The following PDCD11 variants were observed in gnomAD, a reference collection of about 807,000 sequenced individuals.
PDCD11 encodes the protein protein RRP5 homolog.
In PDCD11, 97 loss-of-function variants were observed where a neutral mutation model predicts 198.9. That is an observed-to-expected ratio of 0.49 (90% CI 0.41 to 0.58). The LOEUF is 0.58. Ranked by LOEUF, PDCD11 falls within the 20% of genes least tolerant of loss-of-function variation. PDCD11 has a pLI of 0.00. For synonymous variants in PDCD11, 893 were observed against 918.0 expected, an observed-to-expected ratio of 0.97 and a Z score of 0.49; for missense variants, 2,102 against 2,312.7, an observed-to-expected ratio of 0.91 and a Z score of 1.87.
chr10:103,435,027 A>T (rs758229994), intron 25 of PDCD11, 52 bp downstream of exon 25: 12 of 1,270,360 alleles, frequency 9.4e-6, no homozygotes, highest in African/African-American at 6.2e-5. Context: ...TGGTATATTT[A>T]AAAAAAAACG....
chr10:103,416,741 A>G lies in PDCD11; in HGVS notation c.1769A>G (p.Gln590Arg), dbSNP rs781069490. The G allele has an allele frequency of 6.2e-7, 1 of 1,613,068 alleles. No homozygotes were observed. Among genetic ancestry groups the G allele is most frequent in the Non-Finnish European group, 8.5e-7 (1 of 1,179,322 alleles). ...PDPERVFYTGQVVKVVVLNCE... is the reference protein window; with the variant it reads ...PDPERVFYTGRVVKVVVLNCE... The stretch of plus-strand genomic sequence containing the variant: ...CCGGAGAGAGTTTTTTACACTGGCC[A>G]GGTAACCCTTCCCCTAGACAGGTCC... The change falls in exon 13 of 36, where the codon CAG becomes CGG. Residue 590 changes from glutamine (Q) to arginine (R), a missense_variant and splice_region_variant. Gln to Arg is a conservative substitution (Grantham distance 43). Transcript: ENST00000369797.
chr10:103,429,138 T>C (rs1203322026), intron 21 of PDCD11, among the ~76,000 whole-genome samples: 1 of 152,212 alleles, frequency 6.6e-6, no homozygotes, highest in East Asian at 1.9e-4. Context: ...CTGTCTGTTC[T>C]AGAGCTGAGT....
intron 17 of PDCD11, among the ~76,000 whole-genome samples, chr10:103,422,322 C>T (rs1224332778): frequency 6.6e-6 from 1 of 151,826 alleles, no homozygotes; most frequent in Non-Finnish European, 1.5e-5. Flanking sequence ...CTCAAGTGAT[C>T]CACCCGCCCT....
intron 25 of PDCD11, among the ~76,000 whole-genome samples, chr10:103,436,744 G>T (rs1365884240): frequency 6.6e-6 from 1 of 152,192 alleles, no homozygotes; most frequent in Non-Finnish European, 1.5e-5. Flanking sequence ...TTGCCTAAAG[G>T]TAGACGGTCC....
chr10:103,403,201 C>T lies in PDCD11; in HGVS notation c.318C>T (p.Leu106=). The T allele has an allele frequency of 6.2e-7, 1 of 1,614,094 alleles. No homozygotes were observed. ...LELVISLPNG[L]QGFVQVTEIC... ...TGGTGATTAGTCTCCCCAATGGCCTCCAGGGCTTTGTGCAAGTCACTGAAA... is the reference window on the plus strand; with the variant it reads ...TGGTGATTAGTCTCCCCAATGGCCTTCAGGGCTTTGTGCAAGTCACTGAAA... Residue 106 remains leucine (L), a synonymous_variant, in exon 4 of 36, where the codon CTC becomes CTT. Coordinates refer to ENST00000369797, the MANE Select transcript of PDCD11 (RefSeq NM_014976.2).
Position 103,437,999 on chromosome 10 carries a change from T to C in PDCD11, c.3846-16T>C, listed in dbSNP as rs1375087723. 1.4e-5 allele frequency: 23 copies of C among 1,610,978 alleles called. No homozygotes were observed. The highest frequency in any genetic ancestry group is 1.9e-5 in the Non-Finnish European group (22 of 1,177,426). On this transcript the variant is annotated splice_polypyrimidine_tract_variant and intron_variant, in intron 25 of 35. Transcript: ENST00000369797. ...GCTGAAAATTGAGCGTTTCCTTCTC[T>C]TTTGCCTTCATTCAGATGTTACATC...
chr10:103,442,071 G>T (rs1037847352), intron 31 of PDCD11, 96 bp downstream of exon 31: 7 of 1,558,566 alleles, frequency 4.5e-6, no homozygotes, highest in African/African-American at 2.7e-5. Flanking sequence ...CTGGGTGAGT[G>T]GGGGAGGGGG....
Position 103,423,001 on chromosome 10 carries a change from C to G in PDCD11, c.2511C>G (p.Ile837Met). Residue 837 changes from isoleucine to methionine, a missense_variant, in exon 18 of 36, where the codon ATC becomes ATG. Physicochemically the swap from Ile to Met is conservative, Grantham distance 10. Transcript: ENST00000369797. ...GATCTCTGGCAGACTCTGTGTTGAT[C>G]CAGACGCTGGCCGAGATGACCCCAG... ...SLMSNRDSVLIQTLAEMTPGM... is the reference protein window; with the variant it reads ...SLMSNRDSVLMQTLAEMTPGM... 1 of 1,562,166 alleles carries G rather than the reference C, an allele frequency of 6.4e-7. No homozygotes were observed. Among genetic ancestry groups the G allele is most frequent in the Non-Finnish European group, 8.7e-7 (1 of 1,155,522 alleles).
intron 1 of PDCD11, among the ~76,000 whole-genome samples, chr10:103,397,110 T>A (rs1038340292): frequency 6.6e-6 from 1 of 152,194 alleles, no homozygotes; most frequent in African/African-American, 2.4e-5. Flanking sequence ...TTGTAGAGTC[T>A]TATTACCAAG....
intron 22 of PDCD11, among the ~76,000 whole-genome samples, chr10:103,433,357 C>T (rs2032014231): frequency 6.6e-6 from 1 of 152,018 alleles, no homozygotes; most frequent in Non-Finnish European, 1.5e-5. Flanking sequence ...TTAGCCGGGC[C>T]TGGGGCGTGC....
intron 7 of PDCD11, among the ~76,000 whole-genome samples, chr10:103,408,152 GT>G (rs1244961816): frequency 6.6e-6 from 1 of 152,056 alleles, no homozygotes; most frequent in African/African-American, 2.4e-5. Flanking sequence ...AATTCTGCAT[GT>G]TTTCAAACCC....
chr10:103,440,117 T>C (rs556888474), intron 28 of PDCD11, among the ~76,000 whole-genome samples, 173 bp from the exon 29 acceptor site: 3 of 152,352 alleles, frequency 2.0e-5, no homozygotes, highest in Admixed American at 2.0e-4. Context: ...TGTATTTTTC[T>C]ACTAAGCATG....
At position 103,414,219 on chromosome 10, in the gene PDCD11, A is replaced by G. The variant is rs769319037; in HGVS notation, c.1311-51A>G. The G allele has an allele frequency of 1.1e-5, 17 of 1,586,060 alleles. No homozygotes were observed. In the African/African-American group the frequency reaches 2.2e-4, roughly 20 times the overall value. Reference sequence around the variant, plus strand: ...CATGCCTGTGGTAGCCCTGAATTTTAGGCAACCTCTGCCCTAGTTTATTTA... The same window carrying G: ...CATGCCTGTGGTAGCCCTGAATTTTGGGCAACCTCTGCCCTAGTTTATTTA... On this transcript the variant is annotated intron_variant, in intron 10 of 35. Coordinates refer to ENST00000369797, the MANE Select transcript of PDCD11 (RefSeq NM_014976.2).
chr10:103,399,676 C>T (rs1160997445), intron 2 of PDCD11: 2 of 152,168 alleles, frequency 1.3e-5, no homozygotes, highest in African/African-American at 2.4e-5. Flanking sequence ...TTCAACTGTA[C>T]TGTGAAGCAC....
intron 12 of PDCD11, 101 bp downstream of exon 12, chr10:103,415,252 C>A: frequency 1.7e-6 from 2 of 1,186,402 alleles, no homozygotes; most frequent in South Asian, 1.4e-5. Context: ...TGTGTAATGT[C>A]TGTAGTGTGT....
intron 13 of PDCD11, 105 bp downstream of exon 13, chr10:103,416,847 G>C: frequency 1.6e-6 from 2 of 1,270,860 alleles, no homozygotes; most frequent in South Asian, 1.3e-5. Context: ...CTGAGGAAGA[G>C]AGCACATGGG....
chr10:103,397,528 C>G (rs1032848313), intron 1 of PDCD11, among the ~76,000 whole-genome samples: 1 of 152,200 alleles, frequency 6.6e-6, no homozygotes, highest in Non-Finnish European at 1.5e-5. Context: ...CTCCGCCTCC[C>G]GGCCTCAAGC....
intron 21 of PDCD11, among the ~76,000 whole-genome samples, chr10:103,428,122 A>G (rs2031775477): frequency 6.6e-6 from 1 of 152,120 alleles, no homozygotes; most frequent in African/African-American, 2.4e-5. Context: ...CCTGACCAAC[A>G]TGGCGAAACC....
chr10:103,420,664 A>G (rs866855234), intron 16 of PDCD11, among the ~76,000 whole-genome samples: 1 of 152,132 alleles, frequency 6.6e-6, no homozygotes, highest in South Asian at 2.1e-4. Context: ...TGCCTGGGAA[A>G]ATCTCATTTG....
Sources: allele counts gnomAD v4.1 joint callset (sites outside exome capture counted in the v4.1 genomes callset), GRCh38; gene constraint gnomAD v4.1.1; transcripts MANE v1.5; gene names NCBI Gene and HGNC (gene_info 2026-07-23, HGNC 2026-07-21).